GPR20: variants seen among roughly 807,000 people sequenced by gnomAD.
GPR20 encodes the protein CTD-3064M3.3.
For missense variants in GPR20, 494 were observed against 527.4 expected (o/e 0.94, Z 0.62); for synonymous variants, 241 against 241.9 (o/e 1.00, Z 0.04).
At chr8:141,358,461 C>T (rs978735275) in intron 1 of GPR20, among the ~76,000 whole-genome samples, 5 of 152,292 alleles carry the variant, frequency 3.3e-5, no homozygotes, top group South Asian at 2.1e-4. Context: ...ACTAAGCAAG[C>T]GGGTCAGCAC....
intron 1 of GPR20, among the ~76,000 whole-genome samples, chr8:141,366,522 G>A (rs1831815990): frequency 1.3e-5 from 2 of 152,238 alleles, no homozygotes; most frequent in South Asian, 2.1e-4. Context: ...TCGCGGGGCT[G>A]GAGCCAGCTT....
At chr8:141,361,994 C>T (rs533407730) in intron 1 of GPR20, among the ~76,000 whole-genome samples, 1 of 152,208 alleles carries the variant, frequency 6.6e-6, no homozygotes, top group Non-Finnish European at 1.5e-5. Context: ...TATCACATCA[C>T]AAAACAGCCG....
chr8:141,357,108 G>C lies in GPR20; in HGVS notation c.816C>G (p.His272Gln). The change falls in exon 2 of 2, where the codon CAC (histidine) becomes CAG (glutamine). Residue 272 changes from histidine to glutamine, a missense_variant. Coordinates refer to ENST00000377741, the MANE Select transcript of GPR20 (RefSeq NM_005293.3). ...CGTGGTAGACCACGAGGCTCGTGTG[G>C]TGTGGCATGTCGGGCCACAGCGCCA... ...VAVALWPDMP[H>Q]HTSLVVYHVA... 1 of 1,612,106 alleles carries C rather than the reference G, an allele frequency of 6.2e-7. No individual in the cohort carries two copies. The highest frequency in any genetic ancestry group is 8.5e-7 in the Non-Finnish European group (1 of 1,179,940).
At chr8:141,367,141 G>A (rs1374084870) in intron 1 of GPR20, 60 bp downstream of exon 1, 1 of 152,238 alleles carries the variant, frequency 6.6e-6, no homozygotes, top group Non-Finnish European at 1.5e-5. Context: ...CAGCTCAGGA[G>A]CCTCCTATCT....
Position 141,356,805 on chromosome 8 carries a change from C to G in GPR20, c.*42G>C. 1 of 1,416,764 alleles carries G rather than the reference C, an allele frequency of 7.1e-7. No individual in the cohort carries two copies. Among genetic ancestry groups the G allele is most frequent in the Non-Finnish European group, 9.6e-7 (1 of 1,038,102 alleles). 87.8% of individuals were successfully genotyped at this position (1,416,764 alleles called of 1,614,324 possible). On this transcript the variant is annotated 3_prime_UTR_variant, in exon 2 of 2. Transcript: ENST00000377741. ...TGGTGGGTGTCCACGCTGGCATGCC[C>G]AGATGAGTCCTGACCTTCGGCCCCT...
At chr8:141,364,796 C>T (rs991207606) in intron 1 of GPR20, among the ~76,000 whole-genome samples, 6 of 151,016 alleles carry the variant, frequency 4.0e-5, no homozygotes, top group Non-Finnish European at 8.8e-5. Context: ...TCACCTCTAG[C>T]TGGGTGTCTC....
chr8:141,357,825 G>C lies in GPR20; in HGVS notation c.99C>G (p.Pro33=). The C allele has an allele frequency of 6.2e-7, 1 of 1,613,222 alleles. No homozygotes were observed. Among genetic ancestry groups the C allele is most frequent in the Non-Finnish European group, 8.5e-7 (1 of 1,179,848 alleles). The change falls in exon 2 of 2, where the codon CCC becomes CCG. Residue 33 remains proline (P), a synonymous_variant. Coordinates refer to ENST00000377741, the MANE Select transcript of GPR20 (RefSeq NM_005293.3). ...CCAGCCGGGCAAACAGGTGGAACAG[G>C]GGCACCTCCAGCCCGCTGGCATTGG... ...VRTNASGLEV[P]LFHLFARLDE... is the part of the protein sequence containing the mutation.
rs565223962 is a variant in GPR20, at chr8:141,365,663, G to A, written c.-25+1538C>T. On this transcript the variant is annotated intron_variant, in intron 1 of 1. Transcript: ENST00000377741. Reference sequence around the variant, plus strand: ...GACAATCAGAGGGAAGAGCGCTCCCGGCAGCAGGAAGGGCACAGTGAGCAT... The same window carrying A: ...GACAATCAGAGGGAAGAGCGCTCCCAGCAGCAGGAAGGGCACAGTGAGCAT... Among the ~76,000 whole-genome samples, 429 of 152,330 alleles carry A rather than the reference G, an allele frequency of 2.8e-3. 2 individuals carry two copies. The highest frequency in any genetic ancestry group is 8.7e-3 in the African/African-American group (361 of 41,584).
In GPR20 at chr8:141,357,246, C is replaced by G; in HGVS notation, c.678G>C (p.Pro226=). ...GCTGGCGACCCTGGTGGAGCAGACC[C>G]GGCCGCGACAGTGCACACATGATGC... The part of the protein sequence containing the change: ...TGRIMCALSR[P]GLLHQGRQRR... The change falls in exon 2 of 2, where the codon CCG becomes CCC. Residue 226 remains proline, a synonymous_variant. Transcript: ENST00000377741. 2 of 1,546,190 alleles carry G rather than the reference C, an allele frequency of 1.3e-6. No individual in the cohort carries two copies. The highest frequency in any genetic ancestry group is 1.7e-6 in the Non-Finnish European group (2 of 1,149,600).
intron 1 of GPR20, among the ~76,000 whole-genome samples, chr8:141,361,926 TC>T (rs1404941512): frequency 1.3e-5 from 2 of 152,090 alleles, no homozygotes; most frequent in Admixed American, 6.5e-5. Context: ...TTCGCTGAGC[TC>T]CTCCAGGGGA....
In GPR20 at chr8:141,367,272, T is replaced by A. The variant is rs1831828333; in HGVS notation, c.-96A>T. ...CTCTGCATGCAGCCCGGACCTCGCC[T>A]TCCTACGGCCTGACGTCAGGCCAGC... On this transcript the variant is annotated 5_prime_UTR_variant, in exon 1 of 2. The change creates a new upstream start codon in the 5' untranslated region. Coordinates refer to ENST00000377741, the MANE Select transcript of GPR20 (RefSeq NM_005293.3). 1 of 151,770 alleles carries A rather than the reference T, an allele frequency of 6.6e-6. No homozygotes were observed. Among genetic ancestry groups the A allele is most frequent in the Non-Finnish European group, 1.5e-5 (1 of 67,928 alleles). 9.4% of individuals were successfully genotyped at this position (151,770 alleles called of 1,614,324 possible).
intron 1 of GPR20, among the ~76,000 whole-genome samples, chr8:141,365,197 G>C (rs1189985891): frequency 3.3e-5 from 5 of 152,194 alleles, no homozygotes; most frequent in Non-Finnish European, 1.5e-5. Context: ...CCCTGCCCCA[G>C]GGGGAGAGCT....
At chr8:141,364,236 C>A (rs1831781718) in intron 1 of GPR20, among the ~76,000 whole-genome samples, 1 of 152,240 alleles carries the variant, frequency 6.6e-6, no homozygotes, top group South Asian at 2.1e-4. Context: ...GACCACGGGT[C>A]TGTGTGTGCT....
chr8:141,359,745 G>C (rs988301865), intron 1 of GPR20, among the ~76,000 whole-genome samples: 2 of 152,208 alleles, frequency 1.3e-5, no homozygotes, highest in Non-Finnish European at 2.9e-5. Flanking sequence ...CTGGGAACCT[G>C]GCGTCTCAGG....
At chr8:141,361,825 T>C (rs1767551958) in intron 1 of GPR20, among the ~76,000 whole-genome samples, 1 of 152,126 alleles carries the variant, frequency 6.6e-6, no homozygotes, top group South Asian at 2.1e-4. Context: ...CTTTCTTTTC[T>C]GTTTCTGGCC....
Position 141,357,679 on chromosome 8 carries a change from G to A in GPR20, c.245C>T (p.Thr82Ile). 9.3e-6 allele frequency: 15 copies of A among 1,613,414 alleles called. No individual in the cohort carries two copies. Among genetic ancestry groups the A allele is most frequent in the Non-Finnish European group, 1.3e-5 (15 of 1,179,874 alleles). ...GATGACTGAGGGTGTCTTGGCCCGG[G>A]TGCGGCAGCAGAAGACGTACAGCGC... ...GLALYVFCCR[T>I]RAKTPSVIYT... The change falls in exon 2 of 2, where the codon ACC (threonine) becomes ATC (isoleucine). Residue 82 changes from threonine (T) to isoleucine (I), a missense_variant. Thr to Ile is a moderately conservative substitution (Grantham distance 89, BLOSUM62 -1). Coordinates refer to ENST00000377741, the MANE Select transcript of GPR20 (RefSeq NM_005293.3).
At position 141,363,406 on chromosome 8, in the gene GPR20, C is replaced by T. The variant is rs200157932; in HGVS notation, c.-25+3795G>A. Reference sequence around the variant, plus strand: ...CTTCTCAGAGCCTTTGTGAAACTCACGGTCCTGGGAACTTCCAAGGGGTGG... The same window carrying T: ...CTTCTCAGAGCCTTTGTGAAACTCATGGTCCTGGGAACTTCCAAGGGGTGG... On this transcript the variant is annotated intron_variant, in intron 1 of 1. Coordinates refer to ENST00000377741, the MANE Select transcript of GPR20 (RefSeq NM_005293.3). 1.1e-4 allele frequency among the ~76,000 whole-genome samples: 17 copies of T among 152,378 alleles called. No individual in the cohort carries two copies. The East Asian group carries it at 2.7e-3, about 24-fold the overall frequency.
intron 1 of GPR20, among the ~76,000 whole-genome samples, chr8:141,363,782 C>T (rs1399899364): frequency 1.3e-5 from 2 of 152,232 alleles, no homozygotes; most frequent in African/African-American, 4.8e-5. Flanking sequence ...GCCCAGCAGC[C>T]TGTCTGCCTC....
chr8:141,359,641 G>T (rs1409758819), intron 1 of GPR20, among the ~76,000 whole-genome samples: 1 of 152,214 alleles, frequency 6.6e-6, no homozygotes, highest in Non-Finnish European at 1.5e-5. Flanking sequence ...GGATGAATAG[G>T]TCTGTCCTCC....
Sources: gnomAD v4.1 joint callset for allele counts (sites outside exome capture counted in the v4.1 genomes callset) on GRCh38, gnomAD v4.1.1 for gene constraint, MANE v1.5 for transcripts, NCBI Gene and HGNC (gene_info 2026-07-23, HGNC 2026-07-21) for gene names.